The following TMCC1 variants were observed in gnomAD, a reference collection of about 807,000 sequenced individuals.
TMCC1 encodes the protein transmembrane and coiled-coil domains protein 1.
TMCC1 carries 15 observed loss-of-function variants against 52.4 expected under a neutral mutation model. The observed-to-expected ratio is 0.29, with a 90% CI of 0.19 to 0.44. The LOEUF (loss-of-function observed/expected upper bound fraction) is 0.44. Ranked by LOEUF, TMCC1 falls within the 20% of genes least tolerant of loss-of-function variation. TMCC1 has a pLI of 1.00. For missense variants in TMCC1, 503 were observed against 806.0 expected (o/e 0.62, Z 4.55); for synonymous variants, 279 against 301.9 (o/e 0.92, Z 0.79).
chr3:129,724,555 G>A (rs1268153657), intron 4 of TMCC1, among the ~76,000 whole-genome samples: 1 of 152,200 alleles, frequency 6.6e-6, no homozygotes, highest in Admixed American at 6.5e-5. Flanking sequence ...ATATATGCCA[G>A]AACTGAAGGT....
At chr3:129,697,754 GCAAAGTGCCGC>G (rs1199919128) in intron 4 of TMCC1, among the ~76,000 whole-genome samples, 1 of 152,134 alleles carries the variant, frequency 6.6e-6, no homozygotes, top group Non-Finnish European at 1.5e-5. Flanking sequence ...TAGGGCAGGG[GCAAAGTGCCGC>G]CAGTCTCTTT....
intron 4 of TMCC1, among the ~76,000 whole-genome samples, chr3:129,763,113 G>C (rs1242545475): frequency 6.6e-6 from 1 of 151,260 alleles, no homozygotes; most frequent in South Asian, 2.1e-4. Context: ...CAGGAGAATG[G>C]CGTGAACCCG....
chr3:129,854,420 C>A (rs149517578), intron 2 of TMCC1, among the ~76,000 whole-genome samples: 1 of 150,692 alleles, frequency 6.6e-6, no homozygotes, highest in East Asian at 2.0e-4. Flanking sequence ...GAAAATCTGA[C>A]TATGTCCTTT....
chr3:129,854,385 G>A (rs966937785), intron 2 of TMCC1, among the ~76,000 whole-genome samples: 1 of 71,788 alleles, frequency 1.4e-5, no homozygotes, highest in Non-Finnish European at 2.7e-5. Context: ...GAGACTCTGT[G>A]TCAAAAAAAA....
At chr3:129,890,996 A>C (rs1404018510) in intron 1 of TMCC1, among the ~76,000 whole-genome samples, 4 of 152,242 alleles carry the variant, frequency 2.6e-5, no homozygotes, top group Admixed American at 6.5e-5. Context: ...AAGACATAAA[A>C]TGTATTTACA....
intron 6 of TMCC1, among the ~76,000 whole-genome samples, chr3:129,654,461 C>T (rs2086547170): frequency 6.6e-6 from 1 of 152,120 alleles, no homozygotes; most frequent in African/African-American, 2.4e-5. Flanking sequence ...CCCTAAATAC[C>T]TCCATATAGA....
At chr3:129,872,327 T>C (rs1248905120) in intron 2 of TMCC1, among the ~76,000 whole-genome samples, 2 of 152,150 alleles carry the variant, frequency 1.3e-5, no homozygotes, top group African/African-American at 4.8e-5. Flanking sequence ...GGAAGTGCAC[T>C]CAAAAGCATG....
At chr3:129,849,319 G>T (rs1477687129) in intron 2 of TMCC1, among the ~76,000 whole-genome samples, 1 of 151,946 alleles carries the variant, frequency 6.6e-6, no homozygotes, top group Non-Finnish European at 1.5e-5. Context: ...AAAAAGCTGG[G>T]CCTGGTGACT....
In TMCC1 at chr3:129,684,398, T is replaced by C. The variant is rs1036126402; in HGVS notation, c.577-13134A>G. ...TTTATGCATTTCTATACTCTGTTGA[T>C]GTAGGAGTCGGGGAGAGTGGGAGAG... is the stretch of plus-strand genomic sequence containing the variant. On this transcript the variant is annotated intron_variant, in intron 4 of 6. Coordinates refer to ENST00000393238, the MANE Select transcript of TMCC1 (RefSeq NM_001017395.5). Among the ~76,000 whole-genome samples, 10 of 152,250 alleles carry C rather than the reference T, an allele frequency of 6.6e-5. 1 individual carries two copies. The highest frequency in any genetic ancestry group is 2.9e-5 in the Non-Finnish European group (2 of 68,040).
In TMCC1 at chr3:129,779,045, G is replaced by GT. The variant is rs577667559; in HGVS notation, c.576+48757dup. Among the ~76,000 whole-genome samples the GT allele has an allele frequency of 8.6e-5, 13 of 151,724 alleles. No individual in the cohort carries two copies. In the South Asian group the frequency reaches 2.7e-3, roughly 32 times the overall value. ...TCCCAGAACCTCACATCAAACAACC[G>GT]TATCTTGATTTGGCAATTCATTCAG... On this transcript the variant is annotated intron_variant, in intron 4 of 6. Coordinates refer to ENST00000393238, the MANE Select transcript of TMCC1 (RefSeq NM_001017395.5).
chr3:129,876,576 T>G (rs983501022), intron 2 of TMCC1, among the ~76,000 whole-genome samples: 2 of 151,802 alleles, frequency 1.3e-5, no homozygotes, highest in East Asian at 3.9e-4. Flanking sequence ...GGAGGATTGC[T>G]TGAAGCCAAG....
At chr3:129,862,572 A>G (rs998768311) in intron 2 of TMCC1, among the ~76,000 whole-genome samples, 1 of 152,230 alleles carries the variant, frequency 6.6e-6, no homozygotes, top group African/African-American at 2.4e-5. Flanking sequence ...AACTTTGAAA[A>G]GATTCACGCA....
At chr3:129,889,657 C>T (rs1237801482) in intron 1 of TMCC1, among the ~76,000 whole-genome samples, 1 of 152,100 alleles carries the variant, frequency 6.6e-6, no homozygotes, top group African/African-American at 2.4e-5. Context: ...TGATCAACGG[C>T]ATCCCTGGAA....
intron 4 of TMCC1, among the ~76,000 whole-genome samples, chr3:129,771,734 C>T (rs546851352): frequency 4.8e-5 from 6 of 125,638 alleles, no homozygotes; most frequent in Non-Finnish European, 6.3e-5. Flanking sequence ...ATGATCATGC[C>T]ACTGTACTTC....
At chr3:129,734,914 T>G (rs1576625106) in intron 4 of TMCC1, among the ~76,000 whole-genome samples, 1 of 151,836 alleles carries the variant, frequency 6.6e-6, no homozygotes, top group East Asian at 1.9e-4. Context: ...ATTTTTTTTT[T>G]TTTTTTGAGA....
At chr3:129,800,122 G>A (rs1001158658) in intron 4 of TMCC1, among the ~76,000 whole-genome samples, 5 of 152,082 alleles carry the variant, frequency 3.3e-5, no homozygotes, top group African/African-American at 1.2e-4. Flanking sequence ...CTTGTGTGTG[G>A]TTTCTTTTGC....
chr3:129,759,213 A>C (rs2053276381), intron 4 of TMCC1, among the ~76,000 whole-genome samples: 1 of 152,014 alleles, frequency 6.6e-6, no homozygotes, highest in South Asian at 2.1e-4. Flanking sequence ...TCCAAACTCC[A>C]AGTGACCTTA....
At chr3:129,796,832 AAAATAAAAACT>A (rs1156759770) in intron 4 of TMCC1, among the ~76,000 whole-genome samples, 2 of 152,204 alleles carry the variant, frequency 1.3e-5, no homozygotes, top group South Asian at 4.1e-4. Context: ...CTTATCTCTA[AAAATAAAAACT>A]AAATAAAACA....
chr3:129,671,315 TCAAAA>T, intron 4 of TMCC1, 51 bp from the exon 5 acceptor site: 1 of 1,521,244 alleles, frequency 6.6e-7, no homozygotes, highest in Non-Finnish European at 8.8e-7. Context: ...GACTACGTCT[TCAAAA>T]TCAATGGGCC....
Sources: gnomAD v4.1 joint callset for allele counts (sites outside exome capture counted in the v4.1 genomes callset) on GRCh38, gnomAD v4.1.1 for gene constraint, MANE v1.5 for transcripts, NCBI Gene and HGNC (gene_info 2026-07-23, HGNC 2026-07-21) for gene names.